ALDH7A1: variants seen among roughly 807,000 people sequenced by gnomAD.
ALDH7A1 encodes alpha-aminoadipic semialdehyde dehydrogenase.
ALDH7A1 carries 63 observed loss-of-function variants against 79.9 expected under a neutral mutation model. The observed-to-expected ratio is 0.79, with a 90% CI of 0.64 to 0.97. The LOEUF is 0.97. Ranked by LOEUF, ALDH7A1 falls within the 50% of genes least tolerant of loss-of-function variation. ALDH7A1 has a pLI of 0.00. For missense variants in ALDH7A1, 627 were observed against 665.2 expected (o/e 0.94, Z 0.63); for synonymous variants, 240 against 231.2 (o/e 1.04, Z -0.34).
intron 16 of ALDH7A1, 160 bp downstream of exon 16, chr5:126,549,769 T>C (rs1278584971): frequency 2.6e-6 from 2 of 765,540 alleles, no homozygotes; most frequent in Non-Finnish European, 4.6e-6. Context: ...ATGCGATAAC[T>C]TTGAATACAG....
In ALDH7A1 at chr5:126,549,073, CAAAAAAAAAAAAAAAAAAA is replaced by C. The variant is rs58433570; in HGVS notation, c.1489+837_1489+855del. 4.3e-5 allele frequency among the ~76,000 whole-genome samples: 3 copies of C among 69,862 alleles called. No homozygotes were observed. The East Asian group carries it at 1.0e-3, about 23-fold the overall frequency. The allele number at this position is 69,862 out of a possible 152,430, so 45.8% of individuals were successfully genotyped here. A position where few individuals can be genotyped will look rare whatever the true frequency, so the allele number is the denominator to read the frequency against. Reference sequence around the variant, plus strand: ...TGGGCAACATAGCAAGCCCCCAGCTCAAAAAAAAAAAAAAAAAAAAAAAAAAAGGAATAGTCAATCAGAG... The same window carrying C: ...TGGGCAACATAGCAAGCCCCCAGCTCAAAAAAAAGGAATAGTCAATCAGAG... On this transcript the variant is annotated intron_variant, in intron 16 of 17. Coordinates refer to ENST00000409134, the MANE Select transcript of ALDH7A1 (RefSeq NM_001182.5).
At chr5:126,573,237 T>C (rs529823622) in intron 7 of ALDH7A1, among the ~76,000 whole-genome samples, 1 of 150,064 alleles carries the variant, frequency 6.7e-6, no homozygotes, top group East Asian at 1.9e-4. Flanking sequence ...TTCTGCTGGG[T>C]TTTGTTTTGT....
chr5:126,567,412 T>A (rs1422444612), intron 9 of ALDH7A1, among the ~76,000 whole-genome samples: 3 of 152,210 alleles, frequency 2.0e-5, no homozygotes, highest in African/African-American at 7.2e-5. Context: ...AACAAACATT[T>A]CAAACATAAA....
chr5:126,547,954 A>G (rs1054455382), intron 16 of ALDH7A1, among the ~76,000 whole-genome samples: 1 of 151,844 alleles, frequency 6.6e-6, no homozygotes, highest in Non-Finnish European at 1.5e-5. Flanking sequence ...CACGAGGTTG[A>G]GGCGGGAGAA....
chr5:126,585,006 A>C (rs867410306), intron 3 of ALDH7A1, among the ~76,000 whole-genome samples: 16 of 152,090 alleles, frequency 1.1e-4, no homozygotes, highest in Non-Finnish European at 2.1e-4. Context: ...TCTCCTTCAA[A>C]GTACAGCTAA....
chr5:126,589,622 T>C (rs1055318209), intron 3 of ALDH7A1, among the ~76,000 whole-genome samples: 95 of 152,096 alleles, frequency 6.2e-4, no homozygotes, highest in East Asian at 2.1e-3. Flanking sequence ...CTACTAACAA[T>C]ACAAAAATTA....
Position 126,552,058 on chromosome 5 carries a change from T to C in ALDH7A1, c.1280A>G (p.Glu427Gly), listed in dbSNP as rs1311982393. ...GACATAGAGAATCGGAGCAAAAGTC[T>C]CTGTGTGTGCAATGGACGCATCGTG... ...LGHDASIAHT[E>G]TFAPILYVFK... Residue 427 changes from glutamate (E) to glycine (G), a missense_variant, in exon 14 of 18, where the codon GAG becomes GGG. Coordinates refer to ENST00000409134, the MANE Select transcript of ALDH7A1 (RefSeq NM_001182.5). 1.2e-6 allele frequency: 2 copies of C among 1,614,034 alleles called. No homozygotes were observed. The highest frequency in any genetic ancestry group is 1.7e-6 in the Non-Finnish European group (2 of 1,180,016).
chr5:126,592,254 T>A (rs1751578216), intron 3 of ALDH7A1: 1 of 212,558 alleles, frequency 4.7e-6, no homozygotes, highest in Non-Finnish European at 9.4e-6. Context: ...AAACCAGGAA[T>A]GCTGACCTAT....
intron 11 of ALDH7A1, among the ~76,000 whole-genome samples, chr5:126,558,205 CAAAA>C (rs1283993003): frequency 9.6e-6 from 1 of 104,332 alleles, no homozygotes; most frequent in Non-Finnish European, 2.1e-5. Flanking sequence ...AAAAACAAAA[CAAAA>C]AAAACTTGCT....
chr5:126,563,381 T>A (rs1361029273), intron 9 of ALDH7A1, among the ~76,000 whole-genome samples: 1 of 152,240 alleles, frequency 6.6e-6, no homozygotes, highest in Non-Finnish European at 1.5e-5. Context: ...CCAAATTTTA[T>A]TTAGCTGTTT....
At chr5:126,591,877 A>C (rs964819293) in intron 3 of ALDH7A1, 1 of 151,536 alleles carries the variant, frequency 6.6e-6, no homozygotes, top group Non-Finnish European at 1.5e-5. Flanking sequence ...CTGATTAGAC[A>C]GTCAAGGAAC....
Position 126,576,279 on chromosome 5 carries a change from A to G in ALDH7A1, c.650+800T>C, listed in dbSNP as rs576751646. ...CTCTGTCACAAAAAAAAAAAAAAAA[A>G]AAGAATTGTGGACAAGCAGAGTTTT... On this transcript the variant is annotated intron_variant, in intron 6 of 17. Coordinates refer to ENST00000409134, the MANE Select transcript of ALDH7A1 (RefSeq NM_001182.5). Among the ~76,000 whole-genome samples, 127 of 151,850 alleles carry G rather than the reference A, an allele frequency of 8.4e-4. 1 individual carries two copies. The highest frequency in any genetic ancestry group is 2.6e-3 in the African/African-American group (106 of 41,446).
chr5:126,545,054 C>T lies in ALDH7A1; in HGVS notation c.1566-35G>A, dbSNP rs145506233. The stretch of plus-strand genomic sequence containing the variant: ...AAAAATAACAGAATTAATGACAGTA[C>T]ATACATAACAGAAGATTTTCATGCC... On this transcript the variant is annotated intron_variant, in intron 17 of 17. Transcript: ENST00000409134. 1.2e-4 allele frequency: 172 copies of T among 1,469,614 alleles called. No individual in the cohort carries two copies. In the African/African-American group the frequency reaches 1.9e-3, roughly 16 times the overall value. The allele number at this position is 1,469,614 out of a possible 1,614,324, so 91.0% of individuals were successfully genotyped here.
At chr5:126,571,986 C>T (rs1204367335) in intron 7 of ALDH7A1, among the ~76,000 whole-genome samples, 2 of 152,120 alleles carry the variant, frequency 1.3e-5, no homozygotes, top group Admixed American at 6.5e-5. Flanking sequence ...AGTTTTTTCT[C>T]TTGTTAGAAT....
rs573335573 is a variant in ALDH7A1 at position 126,568,068 on chromosome 5, T to C, written c.871+191A>G. On this transcript the variant is annotated intron_variant, in intron 9 of 17. Coordinates refer to ENST00000409134, the MANE Select transcript of ALDH7A1 (RefSeq NM_001182.5). ...AAAGTGCTGGGATTTTCATAAATTT[T>C]GGTATTTAAATTTAGGACTTCCCTA... The C allele has an allele frequency of 2.5e-5, 14 of 561,690 alleles. No homozygotes were observed. The Admixed American group carries it at 3.9e-4, about 16-fold the overall frequency. The allele number at this position is 561,690 out of a possible 1,614,324, so 34.8% of individuals were successfully genotyped here.
intron 8 of ALDH7A1, chr5:126,568,986 C>T (rs1750688054): frequency 6.5e-6 from 1 of 153,682 alleles, no homozygotes; most frequent in Non-Finnish European, 1.4e-5. Context: ...GGGAAATATC[C>T]TAAAGCAGGG....
chr5:126,570,979 C>G, intron 7 of ALDH7A1, 120 bp from the exon 8 acceptor site: 1 of 940,616 alleles, frequency 1.1e-6, no homozygotes. Context: ...CTCAAATATA[C>G]TACTCTCTTG....
At chr5:126,592,541 C>T (rs1751585975) in intron 3 of ALDH7A1, 123 bp downstream of exon 3, 4 of 952,070 alleles carry the variant, frequency 4.2e-6, no homozygotes, top group African/African-American at 3.3e-5. Flanking sequence ...AGTATCACAG[C>T]CCCCAAGGAG....
In ALDH7A1 at chr5:126,559,428, GTTTTGGTT is replaced by G. The variant is rs1451670028; in HGVS notation, c.914-102_914-95del. On this transcript the variant is annotated intron_variant, in intron 10 of 17. Coordinates refer to ENST00000409134, the MANE Select transcript of ALDH7A1 (RefSeq NM_001182.5). The stretch of plus-strand genomic sequence containing the variant: ...AAAACAATGTTGTTTTTTGTTTTTG[GTTTTGGTT>G]TTTTTTTTTTTTTTTTGAGACAGAG... The G allele has an allele frequency of 2.3e-3, 1,630 of 717,388 alleles. 14 individuals are homozygous for G. Among genetic ancestry groups the G allele is most frequent in the Middle Eastern group, 2.5e-3 (9 of 3,668 alleles). The allele number at this position is 717,388 out of a possible 1,614,324, so 44.4% of individuals were successfully genotyped here. A position where few individuals can be genotyped will look rare whatever the true frequency, so the allele number is the denominator to read the frequency against.
Sources: gnomAD v4.1 joint callset for allele counts (sites outside exome capture counted in the v4.1 genomes callset) on GRCh38, gnomAD v4.1.1 for gene constraint, MANE v1.5 for transcripts, NCBI Gene and HGNC (gene_info 2026-07-23, HGNC 2026-07-21) for gene names.